Variants in TTC6 observed in about 807,000 individuals in gnomAD.
TTC6 encodes the protein tetratricopeptide repeat domain 6.
A neutral mutation model predicts 210.4 loss-of-function variants in TTC6; 172 were observed. The observed-to-expected ratio is 0.82, with a 90% CI of 0.72 to 0.93. The LOEUF (loss-of-function observed/expected upper bound fraction) is 0.93, where lower values mean the gene tolerates loss of function less well. Ranked by LOEUF, TTC6 falls within the 40% of genes least tolerant of loss-of-function variation. The probability of loss-of-function intolerance (pLI) is 0.00; values close to 1 mark genes in which losing one functional copy is unlikely to be tolerated. For missense variants in TTC6, 2,414 were observed against 2,318.1 expected, an observed-to-expected ratio of 1.04 and a Z score of -0.85; for synonymous variants, 804 against 819.6, an observed-to-expected ratio of 0.98 and a Z score of 0.32.
Position 37,638,416 on chromosome 14 carries a change from G to C in TTC6, c.939+15413G>C, listed in dbSNP as rs533804770. ...ACTACAGGGACCCACCACCATGCCC[G>C]GCTAATTTTTATATTTTTAGTAGAG... On this transcript the variant is annotated intron_variant, in intron 1 of 30. Transcript: ENST00000553443. 2.0e-5 allele frequency among the ~76,000 whole-genome samples: 3 copies of C among 151,936 alleles called. No homozygotes were observed. The South Asian group carries it at 6.2e-4, about 32-fold the overall frequency.
chr14:37,757,257 A>C (rs1391204631), intron 14 of TTC6, among the ~76,000 whole-genome samples: 7 of 151,320 alleles, frequency 4.6e-5, no homozygotes, highest in Admixed American at 2.0e-4. Flanking sequence ...TTAATTAATT[A>C]ATTAATTAAT....
chr14:37,616,393 A>G (rs1183692876), intron 2 of TTC6, among the ~76,000 whole-genome samples: 1 of 152,174 alleles, frequency 6.6e-6, no homozygotes, highest in Non-Finnish European at 1.5e-5. Flanking sequence ...ATAAACCTGG[A>G]AACTTCTCTC....
intron 3 of TTC6, among the ~76,000 whole-genome samples, chr14:37,694,475 G>A (rs1169647616): frequency 6.6e-6 from 1 of 152,086 alleles, no homozygotes; most frequent in Non-Finnish European, 1.5e-5. Flanking sequence ...CATTGTTGAT[G>A]GGAATGTAAA....
exon 15 of TTC6, chr14:37,787,603 C>A: frequency 6.6e-7 from 1 of 1,522,728 alleles, no homozygotes; most frequent in South Asian, 1.2e-5. Context: ...GAAAGAGTAA[C>A]CCTTTTAGAG....
chr14:37,671,532 ATTAG>A (rs1281518355), intron 1 of TTC6, among the ~76,000 whole-genome samples: 1 of 152,196 alleles, frequency 6.6e-6, no homozygotes, highest in East Asian at 1.9e-4. Flanking sequence ...TGAATTTTAT[ATTAG>A]TTAATATTAG....
upstream of TTC6, among the ~76,000 whole-genome samples, chr14:37,621,598 C>T (rs976826188): frequency 2.6e-5 from 4 of 152,068 alleles, no homozygotes; most frequent in African/African-American, 9.7e-5. Context: ...GGCAACAGAG[C>T]GAGATCTTGT....
At position 37,783,717 on chromosome 14, in the gene TTC6, G is replaced by A. The variant is rs187097184; in HGVS notation, c.3267-3751G>A. 8.0e-3 allele frequency among the ~76,000 whole-genome samples: 1,212 copies of A among 152,090 alleles called. 12 individuals are homozygous for A. Among genetic ancestry groups the A allele is most frequent in the Non-Finnish European group, 0.012 (811 of 68,000 alleles). On this transcript the variant is annotated intron_variant, in intron 14 of 30. Transcript: ENST00000553443. ...TTGCTTTTCTAGTTCTTTTATTTGT[G>A]ATGTTAGGATATCCATTTTAGATCT...
At chr14:37,627,419 C>T (rs2095662188) in intron 1 of TTC6, among the ~76,000 whole-genome samples, 3 of 151,950 alleles carry the variant, frequency 2.0e-5, no homozygotes, top group South Asian at 4.2e-4. Context: ...CCATCATCTA[C>T]GTTAGGTATT....
intron 1 of TTC6, among the ~76,000 whole-genome samples, chr14:37,601,618 C>G (rs1288884750): frequency 6.6e-6 from 1 of 152,172 alleles, no homozygotes; most frequent in African/African-American, 2.4e-5. Flanking sequence ...GGAAAGATGC[C>G]CTGGCACAGC....
chr14:37,725,247 G>A (rs370085523), intron 7 of TTC6, among the ~76,000 whole-genome samples: 5 of 132,590 alleles, frequency 3.8e-5, no homozygotes, highest in African/African-American at 5.5e-5. Flanking sequence ...ATGTGTGTGT[G>A]TATATATATA....
intron 2 of TTC6, among the ~76,000 whole-genome samples, chr14:37,609,383 A>G (rs7151000): frequency 0.2 from 30,200 of 152,052 alleles, 3,348 homozygotes; most frequent in South Asian, 0.27. Flanking sequence ...CCCACTGCCC[A>G]CCAGCCTGGG....
chr14:37,740,013 A>C (rs2095914037), intron 10 of TTC6, among the ~76,000 whole-genome samples: 2 of 151,764 alleles, frequency 1.3e-5, no homozygotes, highest in South Asian at 4.2e-4. Flanking sequence ...AATACAAAAA[A>C]ATTACCCAGG....
chr14:37,790,937 GA>G, intron 16 of TTC6, 100 bp downstream of exon 18: 2 of 941,348 alleles, frequency 2.1e-6, no homozygotes, highest in Non-Finnish European at 3.1e-6. Flanking sequence ...TGATAACCTA[GA>G]AAAAATGAGA....
intron 25 of TTC6, among the ~76,000 whole-genome samples, chr14:37,812,660 A>G (rs2096132350): frequency 6.6e-6 from 1 of 152,228 alleles, no homozygotes; most frequent in Admixed American, 6.5e-5. Context: ...AACATTTCTA[A>G]TTTGATCAAG....
In TTC6 at chr14:37,671,861, G is replaced by A. The variant is rs116960692; in HGVS notation, c.940-8290G>A. On this transcript the variant is annotated intron_variant, in intron 1 of 30. Coordinates refer to ENST00000553443, the Ensembl canonical transcript of TTC6. ...TGAGTGAATTCTTATGAGATCTGAT[G>A]GTTTTATCAATGGTATTTTTTCCTG... Among the ~76,000 whole-genome samples the A allele has an allele frequency of 5.2e-3, 785 of 152,126 alleles. 6 individuals are homozygous for A. Among genetic ancestry groups the A allele is most frequent in the Middle Eastern group, 0.051 (15 of 294 alleles).
chr14:37,664,348 C>T (rs969647116), intron 1 of TTC6, among the ~76,000 whole-genome samples: 2 of 150,464 alleles, frequency 1.3e-5, no homozygotes, highest in African/African-American at 4.8e-5. Context: ...AATGAGACGT[C>T]GCACCTACAA....
intron 14 of TTC6, among the ~76,000 whole-genome samples, chr14:37,771,276 T>A (rs1007161067): frequency 6.6e-6 from 1 of 152,048 alleles, no homozygotes; most frequent in East Asian, 1.9e-4. Flanking sequence ...CTGACAATTA[T>A]GTGTCTTGGA....
At chr14:37,621,626 T>A (rs1039783194), upstream of TTC6, among the ~76,000 whole-genome samples, 6 of 151,986 alleles carry the variant, frequency 3.9e-5, no homozygotes, top group Admixed American at 1.3e-4. Context: ...AAAGAAAAAA[T>A]TGTTGAAATA....
chr14:37,749,705 AT>A lies in TTC6; in HGVS notation c.2827-5del. On this transcript the variant is annotated splice_polypyrimidine_tract_variant and splice_region_variant and intron_variant, in intron 11 of 30. Coordinates refer to ENST00000553443, the Ensembl canonical transcript of TTC6. Reference sequence around the variant, plus strand: ...CAACTTTAACTGAATTTTTACATATATTTTCTAGGTAATACTCTTGGAACCA... The same window carrying A: ...CAACTTTAACTGAATTTTTACATATATTTCTAGGTAATACTCTTGGAACCA... 1 of 1,357,378 alleles carries A rather than the reference AT, an allele frequency of 7.4e-7. No individual in the cohort carries two copies. The highest frequency in any genetic ancestry group is 9.5e-7 in the Non-Finnish European group (1 of 1,056,062). The allele number at this position is 1,357,378 out of a possible 1,614,324, so 84.1% of individuals were successfully genotyped here. A position where few individuals can be genotyped will look rare whatever the true frequency, so the allele number is the denominator to read the frequency against.
Sources: allele counts gnomAD v4.1 joint callset (sites outside exome capture counted in the v4.1 genomes callset), GRCh38; gene constraint gnomAD v4.1.1; transcripts MANE v1.5; gene names NCBI Gene and HGNC (gene_info 2026-07-23, HGNC 2026-07-21).